EEIG1: variants seen among roughly 807,000 people sequenced by gnomAD.
EEIG1 encodes early estrogen-induced gene 1 protein.
chr9:127,953,077 C>A, the EEIG1 span, among the ~76,000 whole-genome samples: 2 of 151,852 alleles, frequency 1.3e-5, no homozygotes, highest in African/African-American at 4.8e-5. Context: ...TTGCAGTGAG[C>A]GAAGATTGTG....
the EEIG1 span, among the ~76,000 whole-genome samples, chr9:127,947,263 CAAA>C: frequency 3.2e-4 from 30 of 94,602 alleles, no homozygotes; most frequent in Admixed American, 7.8e-4. Flanking sequence ...ACTAAAAATA[CAAA>C]AAAAAAAAAA....
the EEIG1 span, chr9:127,953,766 A>G: frequency 1.9e-6 from 3 of 1,613,790 alleles, no homozygotes; most frequent in Non-Finnish European, 2.5e-6. Flanking sequence ...AGGGGCCTAT[A>G]GCCCAGCCCA....
At chr9:127,947,289 A>G in the EEIG1 span, among the ~76,000 whole-genome samples, 2 of 146,592 alleles carry the variant, frequency 1.4e-5, no homozygotes, top group African/African-American at 5.0e-5. Context: ...AAAAAGGTAT[A>G]TCTGGGCATG....
At chr9:127,958,288 G>A in the EEIG1 span, among the ~76,000 whole-genome samples, 1 of 152,098 alleles carries the variant, frequency 6.6e-6, no homozygotes, top group Non-Finnish European at 1.5e-5. Flanking sequence ...TCATGACCTT[G>A]GATTAGGCAA....
the EEIG1 span, among the ~76,000 whole-genome samples, chr9:127,967,477 A>C: frequency 6.6e-6 from 1 of 152,230 alleles, no homozygotes; most frequent in African/African-American, 2.4e-5. Flanking sequence ...GTCTGACCCC[A>C]GAGCTGCAAG....
chr9:127,962,221 G>C, the EEIG1 span, among the ~76,000 whole-genome samples: 2 of 152,314 alleles, frequency 1.3e-5, no homozygotes, highest in Admixed American at 6.5e-5. Flanking sequence ...ATGCCCACAA[G>C]CACACAGAAA....
the EEIG1 span, chr9:127,942,138 T>C: frequency 1.3e-5 from 2 of 152,708 alleles, no homozygotes; most frequent in Non-Finnish European, 2.9e-5. Flanking sequence ...GCTGAGGCTT[T>C]TCTGGTAAGG....
At chr9:127,979,312 T>C in the EEIG1 span, among the ~76,000 whole-genome samples, 6 of 152,172 alleles carry the variant, frequency 3.9e-5, no homozygotes, top group Admixed American at 3.3e-4. Context: ...CTGGGCCCAA[T>C]TGGCAAGGGA....
At chr9:127,948,264 T>G in the EEIG1 span, 1 of 1,613,190 alleles carries the variant, frequency 6.2e-7, no homozygotes, top group South Asian at 1.1e-5. Flanking sequence ...GTGCCCTGCT[T>G]CAGGACCAGA....
At chr9:127,970,917 G>C in the EEIG1 span, among the ~76,000 whole-genome samples, 2 of 152,246 alleles carry the variant, frequency 1.3e-5, no homozygotes, top group Admixed American at 6.5e-5. Flanking sequence ...GCACTGATTG[G>C]ATTTGCGCAC....
the EEIG1 span, chr9:127,950,562 G>A: frequency 4.3e-6 from 7 of 1,612,010 alleles, no homozygotes; most frequent in Admixed American, 1.0e-4. Flanking sequence ...AGGAGCGTGT[G>A]GGAGGGCTGA....
chr9:127,950,546 G>A, the EEIG1 span: 1 of 1,613,532 alleles, frequency 6.2e-7, no homozygotes, highest in Non-Finnish European at 8.5e-7. Flanking sequence ...CCAGCTAGGA[G>A]GTGAGAGGAG....
chr9:127,947,651 G>A, the EEIG1 span, among the ~76,000 whole-genome samples: 1 of 152,136 alleles, frequency 6.6e-6, no homozygotes, highest in Non-Finnish European at 1.5e-5. Context: ...CCCTCTGCCA[G>A]GTATACTGTG....
chr9:127,975,322 G>A, the EEIG1 span, among the ~76,000 whole-genome samples: 49 of 152,288 alleles, frequency 3.2e-4, no homozygotes, highest in African/African-American at 1.1e-3. Context: ...GGGCGGCCAC[G>A]CGCCCACCAA....
chr9:127,962,628 CAT>C, the EEIG1 span, among the ~76,000 whole-genome samples: 1 of 152,198 alleles, frequency 6.6e-6, no homozygotes, highest in Non-Finnish European at 1.5e-5. Context: ...GTACCCAACA[CAT>C]GTCTCCAGTG....
chr9:127,970,870 C>T, the EEIG1 span, among the ~76,000 whole-genome samples: 130 of 152,226 alleles, frequency 8.5e-4, 1 homozygote, highest in Middle Eastern at 3.4e-3. Context: ...GCCCCAGAAC[C>T]GAGCCCAGCA....
the EEIG1 span, among the ~76,000 whole-genome samples, chr9:127,949,597 A>G: frequency 2.0e-5 from 3 of 152,168 alleles, no homozygotes; most frequent in African/African-American, 7.2e-5. Context: ...CCAGCTCCCA[A>G]GACAATCAGC....
chr9:127,954,369 C>T, the EEIG1 span, among the ~76,000 whole-genome samples: 39 of 152,280 alleles, frequency 2.6e-4, no homozygotes, highest in South Asian at 7.7e-3. Context: ...ATGAAGAGAC[C>T]GAGGCTAGGC....
chr9:127,944,981 C>A, the EEIG1 span: 1 of 1,509,078 alleles, frequency 6.6e-7, no homozygotes, highest in South Asian at 1.2e-5. Context: ...TAATGCCAGT[C>A]AGCCGCAGCG....
Sources: gnomAD v4.1 joint callset for allele counts (sites outside exome capture counted in the v4.1 genomes callset) on GRCh38, gnomAD v4.1.1 for gene constraint, MANE v1.5 for transcripts, NCBI Gene and HGNC (gene_info 2026-07-23, HGNC 2026-07-21) for gene names.